ITFG2: variants seen among roughly 807,000 people sequenced by gnomAD.
ITFG2 encodes the protein integrin alpha FG-GAP repeat containing 2.
ITFG2 carries 36 observed loss-of-function variants against 54.4 expected under a neutral mutation model. That is an observed-to-expected ratio of 0.66 (90% confidence interval 0.51 to 0.87). The LOEUF is 0.87. ITFG2 is among the 40% of genes least tolerant of loss of function. ITFG2 has a pLI of 0.00. For missense variants in ITFG2, 524 were observed against 576.7 expected (o/e 0.91, Z 0.94); for synonymous variants, 211 against 225.4 (o/e 0.94, Z 0.57).
intron 1 of ITFG2, among the ~76,000 whole-genome samples, chr12:2,838,247 T>A (rs1365732643): frequency 6.6e-6 from 1 of 152,244 alleles, no homozygotes; most frequent in East Asian, 1.9e-4. Context: ...GGCCCCAAGC[T>A]GAAAAGCATC....
At chr12:2,823,701 C>G in intron 10 of ITFG2, 69 bp from the exon 11 acceptor site, 4 of 1,492,924 alleles carry the variant, frequency 2.7e-6, no homozygotes, top group Non-Finnish European at 3.6e-6. Context: ...AGGTCTGTGT[C>G]TTGCTGTCTG....
chr12:2,839,964 G>A (rs1302026436), intron 1 of ITFG2, among the ~76,000 whole-genome samples: 5 of 152,168 alleles, frequency 3.3e-5, no homozygotes, highest in Non-Finnish European at 5.9e-5. Context: ...AGCGAGGAAG[G>A]AAAGAGGAGC....
intron 2 of ITFG2, among the ~76,000 whole-genome samples, chr12:2,843,233 A>G (rs2098045678): frequency 6.6e-6 from 1 of 152,322 alleles, no homozygotes; most frequent in East Asian, 1.9e-4. Flanking sequence ...TGGGCCTGTC[A>G]GATCTACTGA....
chr12:2,848,511 A>G (rs1337010999), intron 2 of ITFG2, among the ~76,000 whole-genome samples: 20 of 152,138 alleles, frequency 1.3e-4, no homozygotes, highest in Admixed American at 1.3e-3. Flanking sequence ...GGTATCCCCA[A>G]CAGGGTGTGG....
chr12:2,836,302 A>G (rs1041848827), upstream of ITFG2, among the ~76,000 whole-genome samples: 1 of 152,198 alleles, frequency 6.6e-6, no homozygotes, highest in Non-Finnish European at 1.5e-5. Context: ...CTGGCTTATC[A>G]GCAGATTTTT....
chr12:2,844,471 C>CTGAA (rs1168226246), intron 2 of ITFG2, among the ~76,000 whole-genome samples: 3 of 151,972 alleles, frequency 2.0e-5, no homozygotes, highest in African/African-American at 7.3e-5. Context: ...GGAGAATCAC[C>CTGAA]TGAACCAAGG....
downstream of ITFG2, among the ~76,000 whole-genome samples, chr12:2,831,186 C>A (rs112779805): frequency 1.6e-3 from 241 of 151,760 alleles, no homozygotes; most frequent in African/African-American, 5.5e-3. Context: ...CTCAAACTTA[C>A]ATTTTTTTTT....
In ITFG2 at chr12:2,819,946, G is replaced by C. The variant is rs1450667472; in HGVS notation, c.407-140G>C. On this transcript the variant is annotated intron_variant, in intron 4 of 11. Transcript: ENST00000228799. ...GCAAGATGCCGCAAACACAGGCAGGGGCGGGGGCAGACTGAGGGTGAAGTG... is the reference window on the plus strand; with the variant it reads ...GCAAGATGCCGCAAACACAGGCAGGCGCGGGGGCAGACTGAGGGTGAAGTG... 5.6e-6 allele frequency: 6 copies of C among 1,069,664 alleles called. No individual in the cohort carries two copies. The East Asian group carries it at 1.7e-4, about 30-fold the overall frequency. The allele number at this position is 1,069,664 out of a possible 1,614,324, so 66.3% of individuals were successfully genotyped here.
chr12:2,832,636 C>A (rs1241983086), upstream of ITFG2, among the ~76,000 whole-genome samples: 1 of 151,632 alleles, frequency 6.6e-6, no homozygotes, highest in African/African-American at 2.4e-5. Context: ...GTCTTAGCTC[C>A]CTTTTCCATG....
At chr12:2,823,749 C>T in intron 10 of ITFG2, 21 bp from the exon 11 acceptor site, 3 of 1,527,574 alleles carry the variant, frequency 2.0e-6, no homozygotes, top group Non-Finnish European at 2.6e-6. Context: ...TGACCTTTAT[C>T]TCCCTGCCAA....
chr12:2,855,328 G>A (rs1409332549), intron 2 of ITFG2: 8 of 1,487,286 alleles, frequency 5.4e-6, no homozygotes, highest in Non-Finnish European at 7.2e-6. Flanking sequence ...CAGCTTCAGA[G>A]CCAGCTGGTG....
chr12:2,838,877 C>T (rs899184430), intron 1 of ITFG2, among the ~76,000 whole-genome samples: 1 of 152,176 alleles, frequency 6.6e-6, no homozygotes, highest in Non-Finnish European at 1.5e-5. Context: ...GTAGACACCA[C>T]TTTGCTGTGA....
chr12:2,830,703 C>G, intron 2 of ITFG2: 4 of 1,607,526 alleles, frequency 2.5e-6, no homozygotes, highest in Non-Finnish European at 2.5e-6. Context: ...TGGGAGGCCT[C>G]TCACCTTGCA....
At chr12:2,837,535 G>C (rs764035262) in intron 1 of ITFG2, among the ~76,000 whole-genome samples, 1 of 152,206 alleles carries the variant, frequency 6.6e-6, no homozygotes. Context: ...TACTTGGGAG[G>C]CTGAGGCAGG....
chr12:2,833,572 C>T (rs1218547554), upstream of ITFG2, among the ~76,000 whole-genome samples: 1 of 152,050 alleles, frequency 6.6e-6, no homozygotes, highest in African/African-American at 2.4e-5. Context: ...AGACATGCTT[C>T]CAACCTGTCA....
chr12:2,828,301 C>A (rs775667473), downstream of ITFG2: 1 of 1,589,278 alleles, frequency 6.3e-7, no homozygotes, highest in Non-Finnish European at 8.6e-7. Context: ...AAACCCTGTC[C>A]CCCACTTGCT....
In ITFG2 at chr12:2,845,420, G is replaced by A. The variant is rs1427473543; in HGVS notation, n.300+4425G>A. 6.6e-6 allele frequency among the ~76,000 whole-genome samples: 1 copy of A among 152,124 alleles called. No homozygotes were observed. The highest frequency in any genetic ancestry group is 1.5e-5 in the Non-Finnish European group (1 of 68,018). ...GGGTTCCCAGTCCCCACAGCTTCCCGACTCCCTGGCCCCAGCCATTCCTCA... is the reference window on the plus strand; with the variant it reads ...GGGTTCCCAGTCCCCACAGCTTCCCAACTCCCTGGCCCCAGCCATTCCTCA... On this transcript the variant is annotated intron_variant and non_coding_transcript_variant, in intron 2 of 3. Transcript: ENST00000537710. This position sits in a 1 kb window ranked among gnomAD's most constrained non-coding sequence, Gnocchi z 4.2.
downstream of ITFG2, among the ~76,000 whole-genome samples, chr12:2,829,563 C>T (rs865802566): frequency 1.1e-4 from 17 of 152,130 alleles, no homozygotes; most frequent in Middle Eastern, 3.4e-3. Context: ...CGCTTGAGGC[C>T]AGGAGTTCAG....
At chr12:2,828,439 T>TC, downstream of ITFG2, 1 of 1,579,736 alleles carries the variant, frequency 6.3e-7, no homozygotes, top group East Asian at 2.2e-5. Context: ...TCGTGGTGAA[T>TC]CAGTGAGTCC....
Sources: gnomAD v4.1 joint callset for allele counts (sites outside exome capture counted in the v4.1 genomes callset) on GRCh38, gnomAD v4.1.1 for gene constraint, Gnocchi (gnomAD v3.1) non-coding constraint, MANE v1.5 for transcripts, NCBI Gene and HGNC (gene_info 2026-07-23, HGNC 2026-07-21) for gene names.